UBE2H: variants seen among roughly 807,000 people sequenced by gnomAD.
UBE2H encodes ubiquitin conjugating enzyme E2 H, also known as ubiquitin-conjugating enzyme E2 H.
In UBE2H, 3 loss-of-function variants were observed where a neutral mutation model predicts 29.0. The ratio of observed to expected loss-of-function variants is 0.10; its 90% CI spans 0.05 to 0.27. The LOEUF (loss-of-function observed/expected upper bound fraction) is 0.27. Ranked by LOEUF, UBE2H falls within the 10% of genes least tolerant of loss-of-function variation. The pLI, the probability that UBE2H is intolerant of heterozygous loss-of-function variation, is 1.00. For missense variants in UBE2H, 68 were observed against 228.2 expected (o/e 0.30, Z 4.52); for synonymous variants, 69 against 82.9 (o/e 0.83, Z 0.91).
chr7:129,843,077 C>CA (rs1407703026), intron 5 of UBE2H, among the ~76,000 whole-genome samples: 6 of 147,298 alleles, frequency 4.1e-5, no homozygotes, highest in Non-Finnish European at 5.9e-5. Flanking sequence ...CCACTCACTG[C>CA]AAGCTCCGCC....
At chr7:129,891,329 G>A (rs1221434055) in intron 1 of UBE2H, among the ~76,000 whole-genome samples, 1 of 151,832 alleles carries the variant, frequency 6.6e-6, no homozygotes, top group Non-Finnish European at 1.5e-5. Context: ...GGGATTACAG[G>A]CATGCGCCAC....
Position 129,917,938 on chromosome 7 carries a change from A to G in UBE2H, c.53+34565T>C, listed in dbSNP as rs1807076772. ...GCACAAGTGTGAGACTTCTCACCAA[A>G]AGCTAGTATCAAGTATGCACACGCG... On this transcript the variant is annotated intron_variant, in intron 1 of 6. Transcript: ENST00000355621. Among the ~76,000 whole-genome samples the G allele has an allele frequency of 2.0e-5, 3 of 152,220 alleles. No individual in the cohort carries two copies. The South Asian group carries it at 6.2e-4, about 32-fold the overall frequency.
At chr7:129,894,922 C>T (rs1362171759) in intron 1 of UBE2H, among the ~76,000 whole-genome samples, 1 of 152,144 alleles carries the variant, frequency 6.6e-6, no homozygotes, top group Non-Finnish European at 1.5e-5. Context: ...TTGGACTGAA[C>T]CGCAGAGAAT....
chr7:129,887,489 G>A (rs574081805), intron 1 of UBE2H, among the ~76,000 whole-genome samples: 1 of 152,112 alleles, frequency 6.6e-6, no homozygotes, highest in Admixed American at 6.6e-5. Flanking sequence ...CAAAGTGTTG[G>A]GATTATGGGA....
intron 1 of UBE2H, among the ~76,000 whole-genome samples, chr7:129,944,315 CA>C (rs1807710319): frequency 6.6e-6 from 1 of 152,030 alleles, no homozygotes; most frequent in South Asian, 2.1e-4. Flanking sequence ...GAGATCGCGC[CA>C]CTACACTCAG....
chr7:129,850,688 G>T (rs1011174807), intron 5 of UBE2H, among the ~76,000 whole-genome samples: 1 of 151,990 alleles, frequency 6.6e-6, no homozygotes, highest in Non-Finnish European at 1.5e-5. Context: ...GGTGGCAGGC[G>T]CCTGTAATCC....
At chr7:129,932,257 G>A (rs1199157039) in intron 1 of UBE2H, among the ~76,000 whole-genome samples, 2 of 150,872 alleles carry the variant, frequency 1.3e-5, no homozygotes, top group Non-Finnish European at 2.9e-5. Flanking sequence ...CTGAGTAGCT[G>A]GGACTACAGG....
At chr7:129,916,547 T>C (rs1807048034) in intron 1 of UBE2H, among the ~76,000 whole-genome samples, 1 of 150,956 alleles carries the variant, frequency 6.6e-6, no homozygotes, top group Non-Finnish European at 1.5e-5. Context: ...TTTGCAACAG[T>C]CTAGTTCACA....
intron 1 of UBE2H, among the ~76,000 whole-genome samples, chr7:129,909,345 AT>A (rs1274163429): frequency 3.3e-5 from 5 of 152,274 alleles, no homozygotes; most frequent in Admixed American, 1.3e-4. Flanking sequence ...TTCATCAGAC[AT>A]GCACACTTTG....
At chr7:129,937,295 C>T (rs1224533339) in intron 1 of UBE2H, among the ~76,000 whole-genome samples, 1 of 152,046 alleles carries the variant, frequency 6.6e-6, no homozygotes, top group African/African-American at 2.4e-5. Flanking sequence ...CACAACTGCA[C>T]TTCGGCCTGG....
intron 1 of UBE2H, among the ~76,000 whole-genome samples, chr7:129,910,589 G>C (rs1254859028): frequency 6.6e-6 from 1 of 152,082 alleles, no homozygotes; most frequent in Non-Finnish European, 1.5e-5. Flanking sequence ...GCAAGAAGTA[G>C]CATAATCAGA....
chr7:129,878,682 C>CAAA (rs772936668), intron 3 of UBE2H, among the ~76,000 whole-genome samples: 31 of 75,038 alleles, frequency 4.1e-4, no homozygotes, highest in East Asian at 1.3e-3. Flanking sequence ...GACTCCGTCT[C>CAAA]AAAAAAAAAA....
intron 6 of UBE2H, 143 bp from the exon 7 acceptor site, chr7:129,835,204 T>C: frequency 1.6e-6 from 2 of 1,231,576 alleles, no homozygotes; most frequent in Non-Finnish European, 2.2e-6. Flanking sequence ...TCATGATCAC[T>C]ACAGCTAAGG....
intron 1 of UBE2H, among the ~76,000 whole-genome samples, chr7:129,924,888 A>G (rs1453808886): frequency 6.6e-6 from 1 of 151,412 alleles, no homozygotes; most frequent in Non-Finnish European, 1.5e-5. Context: ...ACCTTCAACC[A>G]CCGCTGAACT....
chr7:129,840,846 C>T (rs1368515657), intron 5 of UBE2H, among the ~76,000 whole-genome samples: 1 of 152,218 alleles, frequency 6.6e-6, no homozygotes, highest in African/African-American at 2.4e-5. Context: ...ACAATGGGCG[C>T]TCCTTTGCAG....
intron 1 of UBE2H, among the ~76,000 whole-genome samples, chr7:129,941,587 A>T (rs888436716): frequency 6.6e-6 from 1 of 152,002 alleles, no homozygotes; most frequent in Non-Finnish European, 1.5e-5. Flanking sequence ...AGCTGTCAGT[A>T]ATATTAATTT....
At chr7:129,925,659 G>C (rs899747165) in intron 1 of UBE2H, among the ~76,000 whole-genome samples, 2 of 152,212 alleles carry the variant, frequency 1.3e-5, no homozygotes, top group African/African-American at 4.8e-5. Context: ...TCAGGGCAAT[G>C]TGTAGGGAGG....
intron 5 of UBE2H, among the ~76,000 whole-genome samples, chr7:129,847,198 C>G (rs1240582517): frequency 6.6e-6 from 1 of 152,074 alleles, no homozygotes; most frequent in Non-Finnish European, 1.5e-5. Context: ...GGTGCACGCC[C>G]AGCTAATTTT....
At chr7:129,944,225 G>T (rs1339652982) in intron 1 of UBE2H, among the ~76,000 whole-genome samples, 1 of 151,998 alleles carries the variant, frequency 6.6e-6, no homozygotes. Flanking sequence ...GCTTGGTGGC[G>T]GGTGCCTGTA....
Sources: gnomAD v4.1 joint callset for allele counts (sites outside exome capture counted in the v4.1 genomes callset) on GRCh38, gnomAD v4.1.1 for gene constraint, MANE v1.5 for transcripts, NCBI Gene and HGNC (gene_info 2026-07-23, HGNC 2026-07-21) for gene names.